The following ZDHHC11 variants were observed in gnomAD, a reference collection of about 807,000 sequenced individuals.
The protein encoded by ZDHHC11 is zDHHC palmitoyltransferase 11.
A neutral mutation model predicts 51.3 loss-of-function variants in ZDHHC11; 44 were observed. That is an observed-to-expected ratio of 0.86 (90% CI 0.67 to 1.10). The LOEUF (loss-of-function observed/expected upper bound fraction) is 1.10, where lower values mean the gene tolerates loss of function less well. Ranked by LOEUF, ZDHHC11 falls within the 50% of genes least tolerant of loss-of-function variation. The pLI is 0.00. For missense variants in ZDHHC11, 400 were observed against 537.7 expected (o/e 0.74, Z 2.53); for synonymous variants, 163 against 222.0 (o/e 0.73, Z 2.36).
intron 3 of ZDHHC11, 135 bp from the exon 4 acceptor site, chr5:843,859 G>GGGGGCACGCAA (rs1745547184): frequency 1.3e-6 from 1 of 756,936 alleles, no homozygotes; most frequent in Non-Finnish European, 1.8e-6. Flanking sequence ...CACAGCGGCA[G>GGGGGCACGCAA]GGGCATGCGG....
intron 10 of ZDHHC11, 48 bp from the exon 11 acceptor site, chr5:814,843 T>C: frequency 6.7e-7 from 1 of 1,487,800 alleles, no homozygotes; most frequent in Non-Finnish European, 9.0e-7. Context: ...AAAGACCTTG[T>C]TGACATTAAA....
chr5:850,004 G>T (rs746546720), intron 1 of ZDHHC11, among the ~76,000 whole-genome samples: 9 of 152,232 alleles, frequency 5.9e-5, no homozygotes, highest in Non-Finnish European at 1.2e-4. Context: ...GCCGACCTGC[G>T]GGGCATGGCG....
chr5:813,686 C>G (rs561466731), intron 11 of ZDHHC11, among the ~76,000 whole-genome samples: 1 of 150,162 alleles, frequency 6.7e-6, no homozygotes, highest in Non-Finnish European at 1.5e-5. Context: ...TGGGCCAGGA[C>G]GGCTGCAGCT....
chr5:797,361 T>C (rs1737741075), intron 12 of ZDHHC11, among the ~76,000 whole-genome samples: 1 of 151,914 alleles, frequency 6.6e-6, no homozygotes, highest in Non-Finnish European at 1.5e-5. Context: ...GTTGGCAAAT[T>C]CTCAGCCAAA....
chr5:839,998 C>T (rs372977868), intron 5 of ZDHHC11: 21 of 556,136 alleles, frequency 3.8e-5, no homozygotes, highest in Middle Eastern at 4.5e-4. Context: ...AGCAACATGA[C>T]TGACCGCCTA....
intron 1 of ZDHHC11, among the ~76,000 whole-genome samples, chr5:850,099 A>G (rs1157337586): frequency 1.3e-5 from 2 of 152,262 alleles, no homozygotes; most frequent in Admixed American, 6.5e-5. Context: ...GAAGGCTGCC[A>G]GCAGGGCGGG....
chr5:806,666 ACT>A (rs1055663261), intron 11 of ZDHHC11, among the ~76,000 whole-genome samples: 7 of 151,308 alleles, frequency 4.6e-5, no homozygotes, highest in Admixed American at 3.9e-4. Flanking sequence ...ATATATAAAA[ACT>A]CTATAAATCA....
chr5:797,552 C>T (rs1259621953), intron 12 of ZDHHC11, among the ~76,000 whole-genome samples: 7 of 151,500 alleles, frequency 4.6e-5, no homozygotes, highest in Admixed American at 1.3e-4. Flanking sequence ...CACTTTTCAA[C>T]TGTCTAATTT....
chr5:840,850 CT>C (rs1744737559), intron 4 of ZDHHC11, 200 bp from the exon 5 acceptor site: 1 of 1,464,492 alleles, frequency 6.8e-7, no homozygotes, highest in African/African-American at 1.4e-5. Flanking sequence ...TTCATGATCC[CT>C]GCTTTATGGA....
Position 825,055 on chromosome 5 carries a change from G to C in ZDHHC11, c.1023+109C>G. The stretch of plus-strand genomic sequence containing the variant: ...CATGTGAGCAGCACCATTGGACACA[G>C]AGTGCTTCCATTCTGAATACTGCCT... On this transcript the variant is annotated intron_variant, in intron 8 of 12. Coordinates refer to ENST00000283441, the MANE Select transcript of ZDHHC11 (RefSeq NM_024786.3). 2.7e-6 allele frequency: 3 copies of C among 1,109,196 alleles called. No homozygotes were observed. In the East Asian group the frequency reaches 7.1e-5, roughly 26 times the overall value. 68.7% of individuals were successfully genotyped at this position (1,109,196 alleles called of 1,614,324 possible).
chr5:800,994 C>T (rs1426447000), intron 12 of ZDHHC11, 106 bp downstream of exon 12: 12 of 1,338,572 alleles, frequency 9.0e-6, no homozygotes, highest in Non-Finnish European at 1.2e-5. Flanking sequence ...GACAAGCAGC[C>T]CAGCCCTTGA....
At chr5:836,248 C>G (rs1489388649) in intron 6 of ZDHHC11, among the ~76,000 whole-genome samples, 1 of 150,260 alleles carries the variant, frequency 6.7e-6, no homozygotes, top group Admixed American at 6.6e-5. Flanking sequence ...GTTAACAAAC[C>G]CTTTTCTGCA....
At chr5:803,191 A>T (rs1738738038) in intron 11 of ZDHHC11, among the ~76,000 whole-genome samples, 1 of 151,166 alleles carries the variant, frequency 6.6e-6, no homozygotes. Context: ...TGTCCTCAAT[A>T]AATTTGAGGT....
chr5:804,293 C>A (rs1281942180), intron 11 of ZDHHC11, among the ~76,000 whole-genome samples: 1 of 151,260 alleles, frequency 6.6e-6, no homozygotes, highest in African/African-American at 2.4e-5. Flanking sequence ...CATATCCATG[C>A]TGTATACACA....
At chr5:843,544 C>A (rs1383395055) in intron 4 of ZDHHC11, 56 bp downstream of exon 4, 2 of 1,603,082 alleles carry the variant, frequency 1.2e-6, no homozygotes, top group African/African-American at 2.7e-5. Context: ...GATACTACCA[C>A]CCGGAAAGAC....
intron 11 of ZDHHC11, among the ~76,000 whole-genome samples, chr5:804,701 G>T (rs2434628): frequency 0.96 from 145,060 of 151,012 alleles, 69,897 homozygotes; most frequent in African/African-American, 0.99. Flanking sequence ...GGGTGACATA[G>T]TTAAATGCCC....
At chr5:832,499 T>A (rs2150363668) in intron 7 of ZDHHC11, among the ~76,000 whole-genome samples, 1 of 44,944 alleles carries the variant, frequency 2.2e-5, no homozygotes, top group East Asian at 4.5e-4. Context: ...GTGGCTCACG[T>A]CTGTAATCCC....
intron 10 of ZDHHC11, chr5:816,535 A>G: frequency 7.2e-6 from 4 of 555,214 alleles, no homozygotes; most frequent in South Asian, 1.4e-5. Context: ...ATTCTGCCAA[A>G]AAGATACTTC....
chr5:817,732 G>A (rs148433804), intron 10 of ZDHHC11, among the ~76,000 whole-genome samples: 68 of 151,430 alleles, frequency 4.5e-4, no homozygotes, highest in African/African-American at 1.6e-3. Flanking sequence ...AGCTGCTGCA[G>A]CACACTCATT....
Sources: allele counts gnomAD v4.1 joint callset (sites outside exome capture counted in the v4.1 genomes callset), GRCh38; gene constraint gnomAD v4.1.1; transcripts MANE v1.5; gene names NCBI Gene and HGNC (gene_info 2026-07-23, HGNC 2026-07-21).